The following ATP2B1 variants were observed in gnomAD, a reference collection of about 807,000 sequenced individuals.
ATP2B1 encodes the protein ATPase plasma membrane Ca2+ transporting 1.
Under a neutral mutation model 124.2 loss-of-function variants are expected in ATP2B1, and 14 were observed. The ratio of observed to expected loss-of-function variants is 0.11; its 90% CI spans 0.07 to 0.18. ATP2B1 has a LOEUF of 0.18. Ranked by LOEUF, ATP2B1 falls within the 10% of genes least tolerant of loss-of-function variation. ATP2B1 has a pLI of 1.00. For missense variants in ATP2B1, 763 were observed against 1,466.1 expected (o/e 0.52, Z 7.83); for synonymous variants, 449 against 492.4 (o/e 0.91, Z 1.17).
intron 1 of ATP2B1, among the ~76,000 whole-genome samples, chr12:89,698,828 G>C (rs1015062281): frequency 6.6e-6 from 1 of 152,056 alleles, no homozygotes; most frequent in Admixed American, 6.6e-5. Flanking sequence ...TTCTATTCTG[G>C]CCAGAATTCT....
At chr12:89,610,394 T>A (rs1225451074) in intron 14 of ATP2B1, 27 bp downstream of exon 14, 3 of 1,574,854 alleles carry the variant, frequency 1.9e-6, no homozygotes, top group Admixed American at 1.7e-5. Context: ...ATTAAGAAAT[T>A]GTGAAATAAC....
chr12:89,648,008 T>G (rs572522104), intron 2 of ATP2B1, among the ~76,000 whole-genome samples: 1 of 152,328 alleles, frequency 6.6e-6, no homozygotes, highest in East Asian at 1.9e-4. Context: ...GCTACCTGTA[T>G]AGCCCGCAGA....
chr12:89,708,425 G>T (rs1892785082), intron 1 of ATP2B1, among the ~76,000 whole-genome samples, 171 bp downstream of exon 1: 1 of 152,096 alleles, frequency 6.6e-6, no homozygotes, highest in Non-Finnish European at 1.5e-5. Flanking sequence ...GGCAACCTGC[G>T]AGGGGCCCCG....
Position 89,634,703 on chromosome 12 carries a change from G to A in ATP2B1, c.787+75C>T. ...TCCTCTTTATATTATTGACTCTTAG[G>A]AAAATGGTGTTTGCTGACAATGGTA... On this transcript the variant is annotated intron_variant, in intron 5 of 20. Transcript: ENST00000428670. The A allele has an allele frequency of 7.1e-6, 10 of 1,402,754 alleles. No individual in the cohort carries two copies. The South Asian group carries it at 1.0e-4, about 14-fold the overall frequency. The allele number at this position is 1,402,754 out of a possible 1,614,324, so 86.9% of individuals were successfully genotyped here.
chr12:89,690,147 G>C (rs934192792), intron 1 of ATP2B1, among the ~76,000 whole-genome samples: 1 of 151,964 alleles, frequency 6.6e-6, no homozygotes, highest in Non-Finnish European at 1.5e-5. Context: ...AGCAATAACA[G>C]ATATTTCAAA....
chr12:89,692,763 T>C (rs752486957), intron 1 of ATP2B1, among the ~76,000 whole-genome samples: 7 of 152,192 alleles, frequency 4.6e-5, no homozygotes, highest in Non-Finnish European at 7.4e-5. Flanking sequence ...CACTCACTGA[T>C]TCACCAAAAA....
At chr12:89,609,703 C>A (rs1238378157) in intron 15 of ATP2B1, among the ~76,000 whole-genome samples, 1 of 152,092 alleles carries the variant, frequency 6.6e-6, no homozygotes, top group African/African-American at 2.4e-5. Flanking sequence ...AGCCAACATA[C>A]AATATTATTA....
In ATP2B1 at chr12:89,635,260, A is replaced by G. The variant is rs1243707555; in HGVS notation, c.407-9T>C. 6.2e-7 allele frequency: 1 copy of G among 1,605,740 alleles called. No individual in the cohort carries two copies. Among genetic ancestry groups the G allele is most frequent in the Non-Finnish European group, 8.5e-7 (1 of 1,177,178 alleles). On this transcript the variant is annotated splice_polypyrimidine_tract_variant and intron_variant, in intron 3 of 20. Transcript: ENST00000428670. ...AGAAACTTCTCCACAAACTATTTGG[A>G]AAGAAAGAAAATGCTTATCAAAAAG...
intron 1 of ATP2B1, among the ~76,000 whole-genome samples, chr12:89,687,057 T>G (rs1340891901): frequency 6.6e-6 from 1 of 152,100 alleles, no homozygotes; most frequent in Non-Finnish European, 1.5e-5. Flanking sequence ...GTTTTTCTTG[T>G]CGTTATTCCC....
chr12:89,687,084 A>G (rs965130822), intron 1 of ATP2B1, among the ~76,000 whole-genome samples: 1 of 152,108 alleles, frequency 6.6e-6, no homozygotes, highest in Non-Finnish European at 1.5e-5. Context: ...ATACAGCATA[A>G]CAACTATTTA....
chr12:89,673,572 T>TCGTG (rs1008442049), intron 1 of ATP2B1, among the ~76,000 whole-genome samples: 8 of 152,204 alleles, frequency 5.3e-5, no homozygotes, highest in African/African-American at 1.9e-4. Flanking sequence ...TACATTGCTA[T>TCGTG]CAACACTGTG....
At chr12:89,615,192 C>T (rs1159178116) in intron 12 of ATP2B1, among the ~76,000 whole-genome samples, 3 of 152,194 alleles carry the variant, frequency 2.0e-5, no homozygotes, top group Non-Finnish European at 2.9e-5. Context: ...ATTTACATGG[C>T]AGACCCACTA....
intron 3 of ATP2B1, chr12:89,641,714 GT>G (rs1883533989): frequency 6.5e-6 from 1 of 154,316 alleles, no homozygotes; most frequent in Non-Finnish European, 1.4e-5. Context: ...TATCCAAATG[GT>G]GTACATAGCA....
Position 89,616,942 on chromosome 12 carries a change from C to T in ATP2B1, c.1927G>A (p.Glu643Lys). 1.2e-6 allele frequency: 2 copies of T among 1,614,132 alleles called. No homozygotes were observed. Among genetic ancestry groups the T allele is most frequent in the African/African-American group, 1.3e-5 (1 of 75,048 alleles). ...VKTVIEPMASEGLRTICLAFR... is the reference protein window; with the variant it reads ...VKTVIEPMASKGLRTICLAFR... ...GCAAGACATATGGTTCTCAAGCCTT[C>T]TGATGCCATCGGTTCAATCACAGTT... The change falls in exon 12 of 21, where the codon GAA becomes AAA. Residue 643 changes from glutamate to lysine, a missense_variant. Glu to Lys is a moderately conservative substitution (Grantham distance 56, BLOSUM62 1). Around this residue, in one of 7 missense-constraint regions of ATP2B1, gnomAD observed 392 missense variants for 776.6 expected, o/e 0.50. Transcript: ENST00000428670.
intron 1 of ATP2B1, among the ~76,000 whole-genome samples, chr12:89,679,242 A>G (rs1592955303): frequency 6.6e-6 from 1 of 152,144 alleles, no homozygotes; most frequent in East Asian, 1.9e-4. Flanking sequence ...CACATCTTAA[A>G]GGCTTAAAAA....
intron 1 of ATP2B1, among the ~76,000 whole-genome samples, chr12:89,678,432 C>T (rs1888940434): frequency 6.6e-6 from 1 of 152,128 alleles, no homozygotes; most frequent in African/African-American, 2.4e-5. Context: ...CAACACTATG[C>T]TGTTATTCAT....
At position 89,620,116 on chromosome 12, in the gene ATP2B1, G is replaced by A. The variant is rs1265196165; in HGVS notation, c.1712C>T (p.Ala571Val). The A allele has an allele frequency of 1.2e-6, 2 of 1,614,078 alleles. No homozygotes were observed. The highest frequency in any genetic ancestry group is 1.7e-6 in the Non-Finnish European group (2 of 1,180,008). The part of the protein sequence containing the change: ...QDVRNEIPEE[A>V]LYKVYTFNSV... ...ATTGAAGGTGTAGACTTTGTACAGT[G>A]CTTCTTCTGGTATTTCATTTCTAAC... is the stretch of plus-strand genomic sequence containing the variant. Residue 571 changes from alanine (A) to valine (V), a missense_variant, in exon 11 of 21, where the codon GCA (alanine) becomes GTA (valine). This residue lies in a region of ATP2B1 where 392 missense variants were observed against 776.6 expected (regional missense o/e 0.50). Transcript: ENST00000428670.
At chr12:89,621,938 ATTT>A (rs538339086) in intron 9 of ATP2B1, 147 bp from the exon 10 acceptor site, 8 of 659,384 alleles carry the variant, frequency 1.2e-5, no homozygotes, top group African/African-American at 5.9e-5. Flanking sequence ...TAATACTGAA[ATTT>A]TTTTTTTTTT....
intron 2 of ATP2B1, among the ~76,000 whole-genome samples, chr12:89,646,238 C>T (rs908914917): frequency 6.6e-6 from 1 of 151,968 alleles, no homozygotes; most frequent in African/African-American, 2.4e-5. Context: ...TTAAACAAAA[C>T]AAGTGTAGGT....
Sources: allele counts gnomAD v4.1 joint callset (sites outside exome capture counted in the v4.1 genomes callset), GRCh38; gene constraint gnomAD v4.1.1; regional missense constraint gnomAD v4.1.1; transcripts MANE v1.5; gene names NCBI Gene and HGNC (gene_info 2026-07-23, HGNC 2026-07-21).